GRID2: variants seen among roughly 807,000 people sequenced by gnomAD.
The protein encoded by GRID2 is glutamate ionotropic receptor delta type subunit 2.
Under a neutral mutation model 114.8 loss-of-function variants are expected in GRID2, and 33 were observed. That is an observed-to-expected ratio of 0.29 (90% CI 0.22 to 0.38). The LOEUF (loss-of-function observed/expected upper bound fraction) is 0.38, where lower values mean the gene tolerates loss of function less well. GRID2 is among the 10% of genes least tolerant of loss of function. GRID2 has a pLI of 1.00. For synonymous variants in GRID2, 505 were observed against 449.9 expected (o/e 1.12, Z -1.55); for missense variants, 1,184 against 1,257.7 (o/e 0.94, Z 0.89).
chr4:92,792,274 C>T (rs570320451), intron 2 of GRID2, among the ~76,000 whole-genome samples: 3 of 151,886 alleles, frequency 2.0e-5, no homozygotes, highest in Admixed American at 2.0e-4. Context: ...AATAAAATCA[C>T]TCATAAGGTC....
At position 93,612,883 on chromosome 4, in the gene GRID2, C is replaced by G. The variant is rs540598316; in HGVS notation, c.2194-13386C>G. Among the ~76,000 whole-genome samples the G allele has an allele frequency of 7.8e-4, 112 of 144,340 alleles. 3 individuals are homozygous for G. In the South Asian group the frequency reaches 0.025, roughly 33 times the overall value. The allele number at this position is 144,340 out of a possible 152,430, so 94.7% of individuals were successfully genotyped here. On this transcript the variant is annotated intron_variant, in intron 13 of 15. Transcript: ENST00000282020. ...TGCCTTGCTAGATTGGGGAAGTTCT[C>G]CAGGATAATATCCTGCAGAGTGTTT...
chr4:92,781,647 T>C (rs1199858928), intron 2 of GRID2, among the ~76,000 whole-genome samples: 1 of 152,110 alleles, frequency 6.6e-6, no homozygotes, highest in Non-Finnish European at 1.5e-5. Flanking sequence ...ATATATGTTA[T>C]ACTATTTATT....
At chr4:93,164,768 ATG>A (rs766689027) in intron 4 of GRID2, 21 of 420,868 alleles carry the variant, frequency 5.0e-5, no homozygotes, top group South Asian at 3.5e-4. Context: ...GGAGGAAAGA[ATG>A]TGAGTGATTT....
intron 10 of GRID2, among the ~76,000 whole-genome samples, chr4:93,436,541 AG>A (rs1200627413): frequency 6.6e-6 from 1 of 152,118 alleles, no homozygotes; most frequent in African/African-American, 2.4e-5. Flanking sequence ...CTGTTATCAG[AG>A]GAAGGGGAAG....
At chr4:92,897,409 A>G (rs1467500026) in intron 2 of GRID2, among the ~76,000 whole-genome samples, 1 of 152,158 alleles carries the variant, frequency 6.6e-6, no homozygotes, top group Non-Finnish European at 1.5e-5. Context: ...AGAAAGGGCA[A>G]AGTTCCTATT....
At chr4:93,664,487 T>C (rs1723780139) in intron 14 of GRID2, among the ~76,000 whole-genome samples, 1 of 152,142 alleles carries the variant, frequency 6.6e-6, no homozygotes. Flanking sequence ...TGTGAAGTGG[T>C]CTGATTCTGA....
chr4:93,053,753 G>A (rs1024855720), intron 2 of GRID2, among the ~76,000 whole-genome samples: 1 of 151,910 alleles, frequency 6.6e-6, no homozygotes, highest in Non-Finnish European at 1.5e-5. Flanking sequence ...CTTAATGTGA[G>A]TTAGAGAGCT....
intron 1 of GRID2, among the ~76,000 whole-genome samples, chr4:92,567,351 A>T (rs542446473): frequency 6.6e-6 from 1 of 151,952 alleles, no homozygotes; most frequent in East Asian, 1.9e-4. Context: ...GGTTTTTCTT[A>T]TTTTTGAGTT....
In GRID2 at chr4:93,611,300, G is replaced by A. The variant is rs1418360410; in HGVS notation, c.2194-14969G>A. Among the ~76,000 whole-genome samples, 75 of 110,770 alleles carry A rather than the reference G, an allele frequency of 6.8e-4. 4 individuals carry two copies. Among genetic ancestry groups the A allele is most frequent in the African/African-American group, 2.6e-3 (69 of 26,418 alleles). The allele number at this position is 110,770 out of a possible 152,430, so 72.7% of individuals were successfully genotyped here. On this transcript the variant is annotated intron_variant, in intron 13 of 15. Coordinates refer to ENST00000282020, the MANE Select transcript of GRID2 (RefSeq NM_001510.4). ...TCATTGATTTTTTGAAGGTTTTTTT[G>A]TGTCTCTATTTCCTTCAGTTCTGCT...
intron 8 of GRID2, among the ~76,000 whole-genome samples, chr4:93,374,291 G>C (rs1763184943): frequency 6.6e-6 from 1 of 152,160 alleles, no homozygotes; most frequent in African/African-American, 2.4e-5. Context: ...TTCAAAATCA[G>C]TGCAGGATAA....
intron 2 of GRID2, among the ~76,000 whole-genome samples, chr4:92,607,072 G>A (rs907944129): frequency 1.4e-4 from 21 of 151,992 alleles, no homozygotes; most frequent in African/African-American, 4.8e-4. Context: ...ACACAGCATA[G>A]TTGAGTGTCT....
chr4:92,430,420 T>A (rs1056101231), intron 1 of GRID2, among the ~76,000 whole-genome samples: 2 of 152,140 alleles, frequency 1.3e-5, no homozygotes, highest in Admixed American at 6.5e-5. Flanking sequence ...TGTAGATGTA[T>A]GGATTTGTTT....
intron 13 of GRID2, among the ~76,000 whole-genome samples, chr4:93,615,339 A>G (rs1459897655): frequency 6.6e-6 from 1 of 152,068 alleles, no homozygotes; most frequent in South Asian, 2.1e-4. Flanking sequence ...TTTGGATGTT[A>G]TTATAAGTGA....
At chr4:93,476,387 C>T (rs1393946369) in intron 11 of GRID2, among the ~76,000 whole-genome samples, 1 of 152,078 alleles carries the variant, frequency 6.6e-6, no homozygotes, top group Non-Finnish European at 1.5e-5. Flanking sequence ...TATCTGAAAG[C>T]TTTCTGAAGA....
chr4:93,077,362 T>C (rs1264106036), intron 2 of GRID2, among the ~76,000 whole-genome samples: 1 of 152,174 alleles, frequency 6.6e-6, no homozygotes, highest in Non-Finnish European at 1.5e-5. Context: ...TCTATCTTTC[T>C]CTTACACAAA....
chr4:92,712,584 T>C (rs1315353103), intron 2 of GRID2, among the ~76,000 whole-genome samples: 2 of 152,186 alleles, frequency 1.3e-5, no homozygotes, highest in African/African-American at 4.8e-5. Flanking sequence ...TCTTGAAATA[T>C]ACTTATGGCT....
At chr4:93,661,543 A>T (rs1025284615) in intron 14 of GRID2, among the ~76,000 whole-genome samples, 4 of 152,216 alleles carry the variant, frequency 2.6e-5, no homozygotes, top group African/African-American at 9.6e-5. Flanking sequence ...CCATGAGCTT[A>T]ATGTTTGTGC....
intron 4 of GRID2, among the ~76,000 whole-genome samples, chr4:93,174,293 CTG>C (rs1451331527): frequency 1.3e-5 from 2 of 152,162 alleles, no homozygotes; most frequent in African/African-American, 4.8e-5. Flanking sequence ...ACCCTGACAC[CTG>C]GCAACCACTA....
chr4:93,726,123 A>G (rs985898306), intron 14 of GRID2, among the ~76,000 whole-genome samples: 3 of 152,204 alleles, frequency 2.0e-5, no homozygotes, highest in Admixed American at 1.3e-4. Flanking sequence ...TTTAGGTCTA[A>G]CATGTAAGTC....
Sources: gnomAD v4.1 joint callset for allele counts (sites outside exome capture counted in the v4.1 genomes callset) on GRCh38, gnomAD v4.1.1 for gene constraint, MANE v1.5 for transcripts, NCBI Gene and HGNC (gene_info 2026-07-23, HGNC 2026-07-21) for gene names.